Variants in TENM3 observed in about 807,000 individuals in gnomAD.
TENM3 encodes the protein teneurin transmembrane protein 3.
Under a neutral mutation model 255.1 loss-of-function variants are expected in TENM3, and 63 were observed. The observed-to-expected ratio is 0.25, with a 90% CI of 0.20 to 0.30. TENM3 has a LOEUF of 0.30. Among genes scored for constraint, TENM3 ranks in the 10% least tolerant of loss-of-function variants. The pLI, the probability that TENM3 is intolerant of heterozygous loss-of-function variation, is 1.00. For synonymous variants in TENM3, 1,306 were observed against 1,322.3 expected (o/e 0.99, Z 0.27); for missense variants, 2,929 against 3,461.1 (o/e 0.85, Z 3.86).
At chr4:182,230,310 G>A (rs1055678069) in intron 1 of TENM3, among the ~76,000 whole-genome samples, 32 of 151,952 alleles carry the variant, frequency 2.1e-4, no homozygotes, top group African/African-American at 7.3e-4. Flanking sequence ...GAGCATTCTA[G>A]CAAGTCTTAG....
chr4:182,379,552 G>T (rs4862047), intron 3 of TENM3, among the ~76,000 whole-genome samples: 130,991 of 151,984 alleles, frequency 0.86, 56,759 homozygotes, highest in Non-Finnish European at 0.89. Context: ...TGTATATAAT[G>T]CAGTAACTAG....
the TENM3 span, among the ~76,000 whole-genome samples, chr4:181,784,176 G>A: frequency 1.1e-4 from 17 of 148,196 alleles, no homozygotes; most frequent in African/African-American, 2.5e-4. Flanking sequence ...TTTTTTAACC[G>A]CTAAGTGAAT....
intron 3 of TENM3, among the ~76,000 whole-genome samples, chr4:182,472,680 C>G (rs1377319124): frequency 6.6e-6 from 1 of 152,062 alleles, no homozygotes; most frequent in East Asian, 1.9e-4. Flanking sequence ...GGATTAATTT[C>G]CAGTGTATGA....
At chr4:181,467,098 T>C in the TENM3 span, among the ~76,000 whole-genome samples, 1 of 74,958 alleles carries the variant, frequency 1.3e-5, no homozygotes, top group South Asian at 3.5e-4. Context: ...TGTGTGTGTG[T>C]GTGTGTATAT....
chr4:182,317,461 G>GTT (rs112656148), intron 1 of TENM3, among the ~76,000 whole-genome samples: 2,102 of 150,742 alleles, frequency 0.014, 21 homozygotes, highest in South Asian at 0.049. Context: ...CACTGTGCCT[G>GTT]TTTTTTTTTG....
chr4:182,566,486 A>G (rs1204076296), intron 3 of TENM3, among the ~76,000 whole-genome samples: 1 of 152,214 alleles, frequency 6.6e-6, no homozygotes, highest in South Asian at 2.1e-4. Flanking sequence ...GGCCCTCCAC[A>G]GGAAACACCG....
At chr4:182,501,374 G>T (rs568831777) in intron 3 of TENM3, among the ~76,000 whole-genome samples, 6 of 16,976 alleles carry the variant, frequency 3.5e-4, no homozygotes, top group Non-Finnish European at 1.5e-3. Flanking sequence ...GTCTAAAAGT[G>T]GGGGGGGGGG....
At chr4:182,052,447 C>T in the TENM3 span, among the ~76,000 whole-genome samples, 1 of 152,118 alleles carries the variant, frequency 6.6e-6, no homozygotes, top group Non-Finnish European at 1.5e-5. Flanking sequence ...AGCAGTGAAG[C>T]TAAATTCAGA....
chr4:182,201,452 C>T (rs1754181097), intron 1 of TENM3, among the ~76,000 whole-genome samples: 1 of 152,078 alleles, frequency 6.6e-6, no homozygotes, highest in African/African-American at 2.4e-5. Flanking sequence ...TGCTGTGTGA[C>T]AGGACAGGAT....
upstream of TENM3, among the ~76,000 whole-genome samples, chr4:182,139,906 A>G (rs1749277955): frequency 6.6e-6 from 1 of 152,256 alleles, no homozygotes; most frequent in Non-Finnish European, 1.5e-5. Context: ...TCGTCTCATC[A>G]CCAGTCCATT....
chr4:182,332,459 G>A (rs541384301), intron 2 of TENM3, among the ~76,000 whole-genome samples: 13 of 152,256 alleles, frequency 8.5e-5, no homozygotes, highest in Admixed American at 2.0e-4. Context: ...TTGGGAGGCC[G>A]AGGCGGGCAG....
the TENM3 span, among the ~76,000 whole-genome samples, chr4:181,448,291 CGAGTA>C: frequency 1.0e-4 from 14 of 140,432 alleles, 1 homozygote; most frequent in East Asian, 2.4e-4. Flanking sequence ...CTCAGCCTCC[CGAGTA>C]GAGTAGCTGG....
At chr4:181,911,340 A>G in the TENM3 span, among the ~76,000 whole-genome samples, 5 of 152,226 alleles carry the variant, frequency 3.3e-5, no homozygotes, top group African/African-American at 1.2e-4. Flanking sequence ...CTGCATGGAA[A>G]AAGATGCAAA....
chr4:182,242,313 T>G (rs956308606), upstream of TENM3, among the ~76,000 whole-genome samples: 5 of 151,012 alleles, frequency 3.3e-5, no homozygotes, highest in African/African-American at 9.7e-5. Flanking sequence ...GCGGTGTTTG[T>G]TTTTTTTTCC....
At chr4:181,473,835 G>A in the TENM3 span, among the ~76,000 whole-genome samples, 57 of 142,462 alleles carry the variant, frequency 4.0e-4, no homozygotes, top group African/African-American at 1.4e-3. Context: ...TATGTATACT[G>A]TATATATATA....
At chr4:182,193,641 T>A (rs569088297) in intron 1 of TENM3, among the ~76,000 whole-genome samples, 8 of 152,348 alleles carry the variant, frequency 5.3e-5, no homozygotes, top group African/African-American at 1.7e-4. Flanking sequence ...AGATTTGAAG[T>A]GCTGGCTTGA....
intron 3 of TENM3, among the ~76,000 whole-genome samples, chr4:182,569,585 A>T (rs1437144975): frequency 6.6e-6 from 1 of 151,968 alleles, no homozygotes; most frequent in Non-Finnish European, 1.5e-5. Context: ...GAAAGAAAGG[A>T]AAGTAGGGTA....
intron 3 of TENM3, chr4:182,449,000 T>C: frequency 2.5e-6 from 1 of 400,030 alleles, no homozygotes; most frequent in Non-Finnish European, 5.0e-6. Context: ...CCAGGCGCTG[T>C]AACACGATAC....
intron 6 of TENM3, among the ~76,000 whole-genome samples, chr4:182,664,051 CTATAA>C (rs906403232): frequency 6.6e-6 from 1 of 152,132 alleles, no homozygotes; most frequent in Admixed American, 6.5e-5. Flanking sequence ...ACCTTTGATA[CTATAA>C]TTTTGTAATG....
Sources: allele counts gnomAD v4.1 joint callset (sites outside exome capture counted in the v4.1 genomes callset), GRCh38; gene constraint gnomAD v4.1.1; transcripts MANE v1.5; gene names NCBI Gene and HGNC (gene_info 2026-07-23, HGNC 2026-07-21).